The following KCNIP4 variants were observed in gnomAD, a reference collection of about 807,000 sequenced individuals.
KCNIP4 encodes Kv channel-interacting protein 4.
KCNIP4 carries 12 observed loss-of-function variants against 34.0 expected under a neutral mutation model. The ratio of observed to expected loss-of-function variants is 0.35; its 90% CI spans 0.23 to 0.57. The LOEUF is 0.57. Among genes scored for constraint, KCNIP4 ranks in the 20% least tolerant of loss-of-function variants. KCNIP4 has a pLI of 0.83. For synonymous variants in KCNIP4, 124 were observed against 102.2 expected (o/e 1.21, Z -1.29); for missense variants, 238 against 311.7 (o/e 0.76, Z 1.78).
chr4:21,053,999 T>C (rs999492410), intron 1 of KCNIP4, among the ~76,000 whole-genome samples: 1 of 152,060 alleles, frequency 6.6e-6, no homozygotes, highest in African/African-American at 2.4e-5. Flanking sequence ...TTGTAGATAT[T>C]GACAAAATGA....
At chr4:21,589,559 A>G (rs1358681944) in intron 1 of KCNIP4, among the ~76,000 whole-genome samples, 2 of 151,790 alleles carry the variant, frequency 1.3e-5, no homozygotes, top group African/African-American at 4.8e-5. Flanking sequence ...TACTGTAAGC[A>G]AGGAAAATAA....
chr4:21,807,762 C>T (rs1721391441), intron 1 of KCNIP4, among the ~76,000 whole-genome samples: 1 of 152,182 alleles, frequency 6.6e-6, no homozygotes, highest in African/African-American at 2.4e-5. Context: ...ATCTAATCCT[C>T]ATTACACATA....
chr4:21,919,183 T>C (rs941280643), intron 1 of KCNIP4, among the ~76,000 whole-genome samples: 1 of 152,226 alleles, frequency 6.6e-6, no homozygotes, highest in African/African-American at 2.4e-5. Flanking sequence ...CTGCAGATTG[T>C]AGACTATAGC....
At chr4:21,652,827 T>A (rs1393045541) in intron 1 of KCNIP4, among the ~76,000 whole-genome samples, 1 of 152,110 alleles carries the variant, frequency 6.6e-6, no homozygotes, top group Admixed American at 6.6e-5. Flanking sequence ...ACCGTTCAAG[T>A]AATGTGAGTG....
chr4:20,828,828 A>G (rs1718079639), intron 3 of KCNIP4, among the ~76,000 whole-genome samples: 2 of 152,208 alleles, frequency 1.3e-5, no homozygotes, highest in African/African-American at 4.8e-5. Context: ...GCTGGATGCA[A>G]GGACTAAAGA....
At chr4:20,895,309 G>T (rs1274121506) in intron 1 of KCNIP4, among the ~76,000 whole-genome samples, 1 of 152,124 alleles carries the variant, frequency 6.6e-6, no homozygotes, top group East Asian at 1.9e-4. Context: ...TGCTAGAAAT[G>T]CTACCTCTAA....
chr4:21,450,852 T>C (rs1405297946), intron 1 of KCNIP4, among the ~76,000 whole-genome samples: 1 of 152,162 alleles, frequency 6.6e-6, no homozygotes, highest in Non-Finnish European at 1.5e-5. Flanking sequence ...CAAATGTAAG[T>C]TATTTTTCAC....
chr4:21,308,607 C>T (rs1195607810), intron 1 of KCNIP4, among the ~76,000 whole-genome samples: 2 of 152,160 alleles, frequency 1.3e-5, no homozygotes, highest in African/African-American at 4.8e-5. Context: ...AAACAAACAT[C>T]ACCAGCATAA....
intron 1 of KCNIP4, among the ~76,000 whole-genome samples, chr4:20,914,163 GAAAA>G (rs962024459): frequency 7.0e-5 from 10 of 142,268 alleles, no homozygotes; most frequent in Admixed American, 2.1e-4. Context: ...GTCTCAAAAA[GAAAA>G]AAAAAAGAAA....
At chr4:21,757,435 A>T (rs1320319372) in intron 1 of KCNIP4, among the ~76,000 whole-genome samples, 1 of 152,108 alleles carries the variant, frequency 6.6e-6, no homozygotes, top group African/African-American at 2.4e-5. Flanking sequence ...CTATGTTCAG[A>T]TATTATCTGT....
rs11938870 is a variant in KCNIP4 at position 21,186,843 on chromosome 4, C to T, written c.62-304134G>A. 9.0e-3 allele frequency among the ~76,000 whole-genome samples: 1,367 copies of T among 152,164 alleles called. 31 individuals are homozygous for T. Among genetic ancestry groups the T allele is most frequent in the African/African-American group, 0.031 (1,293 of 41,528 alleles). ...AAATTTTCTTTTGTAGAGACAGAGT[C>T]TTACTATGTTGCCCAGGCTGATCTT... On this transcript the variant is annotated intron_variant, in intron 1 of 8. Coordinates refer to ENST00000382152, the MANE Select transcript of KCNIP4 (RefSeq NM_025221.6).
At chr4:21,048,585 T>G (rs1175155418) in intron 1 of KCNIP4, among the ~76,000 whole-genome samples, 1 of 152,202 alleles carries the variant, frequency 6.6e-6, no homozygotes, top group Non-Finnish European at 1.5e-5. Context: ...GTATTTTCCA[T>G]GCCAATAAGA....
intron 1 of KCNIP4, among the ~76,000 whole-genome samples, chr4:21,466,367 G>C (rs1729941065): frequency 6.6e-6 from 1 of 152,138 alleles, no homozygotes; most frequent in Non-Finnish European, 1.5e-5. Context: ...CCCTAATCTA[G>C]GCCAGATGGC....
chr4:21,073,315 T>C lies in KCNIP4; in HGVS notation c.62-190606A>G, dbSNP rs574839833. ...CTTCCATTATTTGTATCCTCTTCTA[T>C]TTCATTGAGCAGTGGTTTGTAGTTC... is the stretch of plus-strand genomic sequence containing the variant. On this transcript the variant is annotated intron_variant, in intron 1 of 8. Coordinates refer to ENST00000382152, the MANE Select transcript of KCNIP4 (RefSeq NM_025221.6). Among the ~76,000 whole-genome samples, 138 of 152,344 alleles carry C rather than the reference T, an allele frequency of 9.1e-4. 1 individual carries two copies. Among genetic ancestry groups the C allele is most frequent in the African/African-American group, 3.1e-3 (127 of 41,576 alleles).
intron 1 of KCNIP4, among the ~76,000 whole-genome samples, chr4:21,904,863 A>G (rs1482463420): frequency 2.6e-5 from 4 of 152,158 alleles, no homozygotes; most frequent in Non-Finnish European, 4.4e-5. Flanking sequence ...ACATTGCCCA[A>G]TTTATTCTGG....
rs34821743 is a variant in KCNIP4 at position 21,908,778 on chromosome 4, G to A, written c.61+39793C>T. 5.9e-3 allele frequency among the ~76,000 whole-genome samples: 896 copies of A among 151,992 alleles called. 2 individuals are homozygous for A. Among genetic ancestry groups the A allele is most frequent in the Non-Finnish European group, 9.9e-3 (674 of 67,948 alleles). ...CAGTGTCTTATTATATTTTTCTTCC[G>A]CAATCATAAAGTAGTTGAAAAAACT... On this transcript the variant is annotated intron_variant, in intron 1 of 8. Transcript: ENST00000382152.
intron 1 of KCNIP4, 117 bp downstream of exon 1, chr4:21,948,454 C>G: frequency 8.7e-7 from 1 of 1,148,460 alleles, no homozygotes; most frequent in South Asian, 1.6e-5. Flanking sequence ...GTGACTGTGT[C>G]TCATGCAGCG....
At chr4:21,026,536 C>G (rs1486507363) in intron 1 of KCNIP4, among the ~76,000 whole-genome samples, 1 of 152,072 alleles carries the variant, frequency 6.6e-6, no homozygotes, top group Non-Finnish European at 1.5e-5. Context: ...TGCCTGTGAT[C>G]CCAACTACTC....
At chr4:20,867,123 C>T in intron 2 of KCNIP4, among the ~76,000 whole-genome samples, 1 of 152,048 alleles carries the variant, frequency 6.6e-6, no homozygotes, top group Non-Finnish European at 1.5e-5. Context: ...AGTCAAACTA[C>T]TAAGAACATT....
Sources: gnomAD v4.1 joint callset for allele counts (sites outside exome capture counted in the v4.1 genomes callset) on GRCh38, gnomAD v4.1.1 for gene constraint, MANE v1.5 for transcripts, NCBI Gene and HGNC (gene_info 2026-07-23, HGNC 2026-07-21) for gene names.